SGCZ: variants seen among roughly 807,000 people sequenced by gnomAD.
SGCZ encodes sarcoglycan zeta, also known as zeta-sarcoglycan.
Under a neutral mutation model 41.3 loss-of-function variants are expected in SGCZ, and 40 were observed. The observed-to-expected ratio is 0.97, with a 90% confidence interval of 0.75 to 1.26. The LOEUF (loss-of-function observed/expected upper bound fraction) is 1.26. Ranked by LOEUF, SGCZ falls within the 50% of genes most tolerant of loss-of-function variation. The pLI is 0.00. For missense variants in SGCZ, 552 were observed against 369.8 expected, an observed-to-expected ratio of 1.49 and a Z score of -4.04; for synonymous variants, 206 against 137.5, an observed-to-expected ratio of 1.50 and a Z score of -3.49.
chr8:14,188,852 A>C (rs1409681000), intron 4 of SGCZ, among the ~76,000 whole-genome samples: 2 of 116,320 alleles, frequency 1.7e-5, no homozygotes, highest in African/African-American at 3.4e-5. Context: ...GTTTTTTGAG[A>C]TGGAGTTTCG....
chr8:15,178,016 A>C (rs867149609), intron 1 of SGCZ, among the ~76,000 whole-genome samples: 2 of 152,246 alleles, frequency 1.3e-5, no homozygotes, highest in Middle Eastern at 6.8e-3. Context: ...TCTACCTGTA[A>C]GCCCCATGCT....
At chr8:14,776,991 T>C (rs923275221) in intron 1 of SGCZ, among the ~76,000 whole-genome samples, 1 of 152,180 alleles carries the variant, frequency 6.6e-6, no homozygotes, top group African/African-American at 2.4e-5. Flanking sequence ...ACCCGAATGT[T>C]CAGACAGCAT....
chr8:14,354,018 T>C (rs1017357710), intron 2 of SGCZ, among the ~76,000 whole-genome samples: 4 of 152,060 alleles, frequency 2.6e-5, no homozygotes, highest in East Asian at 1.9e-4. Flanking sequence ...CTCTCAACAA[T>C]TGTATTAATT....
chr8:14,523,850 G>T (rs1433070244), intron 2 of SGCZ, among the ~76,000 whole-genome samples: 2 of 151,840 alleles, frequency 1.3e-5, no homozygotes, highest in East Asian at 3.9e-4. Flanking sequence ...GAATTGCATG[G>T]GTCCCTAAAC....
At chr8:14,931,877 C>T (rs145949455) in intron 1 of SGCZ, among the ~76,000 whole-genome samples, 57 of 152,020 alleles carry the variant, frequency 3.7e-4, no homozygotes, top group Admixed American at 6.5e-4. Context: ...TTAACCTTGA[C>T]ACACTGTGAA....
At position 14,138,342 on chromosome 8, in the gene SGCZ, C is replaced by T. The variant is rs182977666; in HGVS notation, c.547+26238G>A. On this transcript the variant is annotated intron_variant, in intron 5 of 7. Coordinates refer to ENST00000382080, the MANE Select transcript of SGCZ (RefSeq NM_139167.4). ...TTCAAACATAACATAACAATATTAA[C>T]CTTAAATGTAAATGGGCTAAATGCC... 3.9e-5 allele frequency among the ~76,000 whole-genome samples: 6 copies of T among 152,138 alleles called. No individual in the cohort carries two copies. In the East Asian group the frequency reaches 5.8e-4, roughly 15 times the overall value.
chr8:14,532,163 G>A (rs961197682), intron 2 of SGCZ, among the ~76,000 whole-genome samples: 2 of 152,204 alleles, frequency 1.3e-5, no homozygotes, highest in South Asian at 2.1e-4. Context: ...ATTGAGGTAT[G>A]CTTGTGTGAT....
At chr8:14,698,301 G>A (rs1809030896) in intron 1 of SGCZ, among the ~76,000 whole-genome samples, 1 of 151,728 alleles carries the variant, frequency 6.6e-6, no homozygotes, top group Non-Finnish European at 1.5e-5. Flanking sequence ...CCATTAGCTG[G>A]CCTTAGGAAA....
At position 15,102,387 on chromosome 8, in the gene SGCZ, T is replaced by C. The variant is rs192383281; in HGVS notation, c.39+135198A>G. On this transcript the variant is annotated intron_variant, in intron 1 of 7. Coordinates refer to ENST00000382080, the MANE Select transcript of SGCZ (RefSeq NM_139167.4). The stretch of plus-strand genomic sequence containing the variant: ...AGGGGTGGAAGGAGATATAAATAGA[T>C]AGAAAATATGAGTTTTTAGGGCAGT... 4.1e-3 allele frequency among the ~76,000 whole-genome samples: 618 copies of C among 152,166 alleles called. 3 individuals are homozygous for C. Among genetic ancestry groups the C allele is most frequent in the African/African-American group, 0.014 (566 of 41,500 alleles).
chr8:14,712,726 T>A (rs1286640123), intron 1 of SGCZ, among the ~76,000 whole-genome samples: 2 of 152,288 alleles, frequency 1.3e-5, no homozygotes, highest in African/African-American at 2.4e-5. Context: ...AGTTTTATTT[T>A]CCTGGTTATT....
intron 1 of SGCZ, among the ~76,000 whole-genome samples, chr8:14,845,173 T>G (rs1803057047): frequency 6.6e-6 from 1 of 152,150 alleles, no homozygotes; most frequent in Admixed American, 6.5e-5. Context: ...CACACTGGGC[T>G]AAGAAATGGT....
intron 3 of SGCZ, among the ~76,000 whole-genome samples, chr8:14,295,643 A>G (rs1240098658): frequency 6.6e-6 from 1 of 152,072 alleles, no homozygotes; most frequent in African/African-American, 2.4e-5. Flanking sequence ...CATGGACAAC[A>G]AAAAATACAT....
chr8:15,101,985 A>C (rs1460352149), intron 1 of SGCZ, among the ~76,000 whole-genome samples: 1 of 152,180 alleles, frequency 6.6e-6, no homozygotes, highest in African/African-American at 2.4e-5. Flanking sequence ...CTACAGAGCT[A>C]AACTTAGGCC....
chr8:14,539,832 A>G (rs977433880), intron 2 of SGCZ, among the ~76,000 whole-genome samples: 2 of 151,962 alleles, frequency 1.3e-5, no homozygotes, highest in Admixed American at 1.3e-4. Flanking sequence ...GCTAAGGATA[A>G]TGGCCTCCAG....
At chr8:14,409,669 C>T (rs931143432) in intron 2 of SGCZ, among the ~76,000 whole-genome samples, 12 of 152,046 alleles carry the variant, frequency 7.9e-5, no homozygotes, top group African/African-American at 1.9e-4. Context: ...AAATAGCTAA[C>T]GCTAACCACC....
At chr8:14,712,641 T>C (rs111827163) in intron 1 of SGCZ, among the ~76,000 whole-genome samples, 3 of 152,162 alleles carry the variant, frequency 2.0e-5, no homozygotes, top group Admixed American at 2.0e-4. Flanking sequence ...GATTCCAGCC[T>C]CAACACACCC....
intron 3 of SGCZ, among the ~76,000 whole-genome samples, chr8:14,286,078 T>TTG (rs1800615469): frequency 6.6e-6 from 1 of 151,984 alleles, no homozygotes; most frequent in Admixed American, 6.6e-5. Flanking sequence ...GTCAATGTAT[T>TTG]TTGTTTTTTT....
intron 2 of SGCZ, chr8:14,332,752 C>T (rs1802380955): frequency 6.6e-6 from 1 of 151,122 alleles, no homozygotes. Context: ...AAAATCATAA[C>T]ATTTAATTAT....
At chr8:14,698,767 A>T (rs1420410686) in intron 1 of SGCZ, among the ~76,000 whole-genome samples, 1 of 151,948 alleles carries the variant, frequency 6.6e-6, no homozygotes, top group African/African-American at 2.4e-5. Flanking sequence ...TAATTCACCC[A>T]GACAGCTGAT....
Sources: allele counts gnomAD v4.1 joint callset (sites outside exome capture counted in the v4.1 genomes callset), GRCh38; gene constraint gnomAD v4.1.1; transcripts MANE v1.5; gene names NCBI Gene and HGNC (gene_info 2026-07-23, HGNC 2026-07-21).